KPNA7: variants seen among roughly 807,000 people sequenced by gnomAD.
KPNA7 encodes the protein karyopherin subunit alpha 7.
In KPNA7, 54 loss-of-function variants were observed where a neutral mutation model predicts 53.7. The ratio of observed to expected loss-of-function variants is 1.01; its 90% CI spans 0.81 to 1.26. KPNA7 has a LOEUF of 1.26. Ranked by LOEUF, KPNA7 falls within the 50% of genes most tolerant of loss-of-function variation. The pLI, the probability that KPNA7 is intolerant of heterozygous loss-of-function variation, is 0.00. For synonymous variants in KPNA7, 276 were observed against 259.3 expected (o/e 1.06, Z -0.62); for missense variants, 640 against 644.5 (o/e 0.99, Z 0.07).
At chr7:99,152,223 G>A in the KPNA7 span, among the ~76,000 whole-genome samples, 1,272 of 151,928 alleles carry the variant, frequency 8.4e-3, 21 homozygotes, top group African/African-American at 0.029. Context: ...TTAGCCAGGC[G>A]TGGTGGCAGG....
At chr7:99,169,732 G>A (rs879736571), downstream of KPNA7, among the ~76,000 whole-genome samples, 1 of 151,360 alleles carries the variant, frequency 6.6e-6, no homozygotes, top group Non-Finnish European at 1.5e-5. Context: ...AAACTAACCA[G>A]CCCATGAAAA....
At chr7:99,191,059 C>T (rs1282861665) in intron 6 of KPNA7, among the ~76,000 whole-genome samples, 1 of 152,078 alleles carries the variant, frequency 6.6e-6, no homozygotes, top group African/African-American at 2.4e-5. Context: ...AACAATCTAA[C>T]CTGAAACCTA....
chr7:99,155,043 TTA>T, the KPNA7 span, among the ~76,000 whole-genome samples: 7 of 152,064 alleles, frequency 4.6e-5, no homozygotes, highest in African/African-American at 1.4e-4. Flanking sequence ...TATGTGTATA[TTA>T]TATATATGTA....
chr7:99,174,113 C>T (rs748783008), intron 10 of KPNA7, among the ~76,000 whole-genome samples: 5 of 151,376 alleles, frequency 3.3e-5, no homozygotes, highest in African/African-American at 4.9e-5. Flanking sequence ...TCTGTATTTA[C>T]AGCCACTCCC....
chr7:99,194,320 G>T lies in KPNA7; in HGVS notation c.553+750C>A, dbSNP rs182060500. 2.0e-5 allele frequency among the ~76,000 whole-genome samples: 3 copies of T among 152,276 alleles called. No individual in the cohort carries two copies. In the East Asian group the frequency reaches 5.8e-4, roughly 29 times the overall value. The stretch of plus-strand genomic sequence containing the variant: ...TTCCACTTTCAGGGAAGGCTTGTTA[G>T]CCCAAACCAAGGAGTTTTTTTTTGT... On this transcript the variant is annotated intron_variant, in intron 5 of 10. Transcript: ENST00000327442.
chr7:99,204,140 G>A (rs1452725383), intron 2 of KPNA7, among the ~76,000 whole-genome samples: 1 of 152,144 alleles, frequency 6.6e-6, no homozygotes, highest in East Asian at 1.9e-4. Flanking sequence ...AGCACTTTGG[G>A]AGGTCAAGGT....
rs773921581 is a variant in KPNA7, at chr7:99,185,175, G to A, written c.901-13C>T. ...GGAGAGAAGGAGTCTGGAAGAGCAA[G>A]GCTAGAAGTCTAAGTATTTCAAGTC... On this transcript the variant is annotated splice_polypyrimidine_tract_variant and intron_variant, in intron 7 of 10. Transcript: ENST00000327442. 3.9e-6 allele frequency: 6 copies of A among 1,528,886 alleles called. No homozygotes were observed. The South Asian group carries it at 6.0e-5, about 15-fold the overall frequency. The allele number at this position is 1,528,886 out of a possible 1,614,324, so 94.7% of individuals were successfully genotyped here.
At chr7:99,178,108 C>T (rs754683513) in intron 9 of KPNA7, 42 bp from the exon 10 acceptor site, 6 of 1,537,980 alleles carry the variant, frequency 3.9e-6, no homozygotes, top group South Asian at 1.2e-5. Flanking sequence ...CCGGCAGGAG[C>T]CTTTGGGGGA....
chr7:99,187,120 C>T (rs1304651258), intron 7 of KPNA7, among the ~76,000 whole-genome samples: 1 of 152,020 alleles, frequency 6.6e-6, no homozygotes, highest in Non-Finnish European at 1.5e-5. Flanking sequence ...AACCCTGTCT[C>T]TACTAAAAAT....
chr7:99,176,306 AAAAAAAGAAAG>A (rs1192151220), intron 10 of KPNA7, among the ~76,000 whole-genome samples: 2 of 87,178 alleles, frequency 2.3e-5, no homozygotes, highest in African/African-American at 3.1e-5. Flanking sequence ...TCAAAAAAAA[AAAAAAAGAAAG>A]AAAGAAAGAA....
At chr7:99,207,370 C>T in intron 2 of KPNA7, 31 bp downstream of exon 2, 1 of 1,543,954 alleles carries the variant, frequency 6.5e-7, no homozygotes, top group Non-Finnish European at 8.8e-7. Flanking sequence ...CACTGGTCCC[C>T]AATAGAAGCA....
intron 9 of KPNA7, among the ~76,000 whole-genome samples, chr7:99,180,002 A>AC (rs1395136226): frequency 6.6e-6 from 1 of 152,176 alleles, no homozygotes; most frequent in South Asian, 2.1e-4. Flanking sequence ...AATGGGGATG[A>AC]CCTGTGTAAC....
At chr7:99,182,186 GA>G in intron 8 of KPNA7, 121 bp from the exon 9 acceptor site, 4 of 670,740 alleles carry the variant, frequency 6.0e-6, no homozygotes, top group Non-Finnish European at 9.6e-6. Flanking sequence ...AATTTACATA[GA>G]ATGCCTTGGC....
chr7:99,203,769 G>T (rs574944307), intron 2 of KPNA7, among the ~76,000 whole-genome samples: 4 of 152,178 alleles, frequency 2.6e-5, no homozygotes, highest in African/African-American at 9.6e-5. Context: ...GGAGGGCAGT[G>T]GCATGATCTC....
intron 9 of KPNA7, among the ~76,000 whole-genome samples, chr7:99,178,745 T>C (rs1799020876): frequency 8.4e-6 from 1 of 118,722 alleles, no homozygotes; most frequent in Non-Finnish European, 1.6e-5. Flanking sequence ...TATGAGCCAC[T>C]GCATTTGGCC....
chr7:99,217,927 G>A (rs906989337), intron 1 of KPNA7, among the ~76,000 whole-genome samples: 7 of 152,038 alleles, frequency 4.6e-5, no homozygotes, highest in Non-Finnish European at 4.4e-5. Context: ...CTCCATGCCC[G>A]GCCCCACCTC....
At chr7:99,163,384 T>TATATATAA in the KPNA7 span, among the ~76,000 whole-genome samples, 2 of 42,260 alleles carry the variant, frequency 4.7e-5, no homozygotes, top group Non-Finnish European at 8.5e-5. Flanking sequence ...TATATATATA[T>TATATATAA]TTTTTTTTTT....
chr7:99,188,986 G>A (rs967403627), intron 6 of KPNA7, among the ~76,000 whole-genome samples: 2 of 152,026 alleles, frequency 1.3e-5, no homozygotes, highest in African/African-American at 2.4e-5. Flanking sequence ...CCGACTGAAC[G>A]AGAGCTTTTG....
At position 99,198,959 on chromosome 7, in the gene KPNA7, A is replaced by G. The variant is rs566466953; in HGVS notation, c.202-2793T>C. 3.4e-4 allele frequency among the ~76,000 whole-genome samples: 52 copies of G among 151,596 alleles called. No individual in the cohort carries two copies. In the South Asian group the frequency reaches 6.5e-3, roughly 19 times the overall value. ...ATTAATTGTATCTTTACATGCTAGC[A>G]GTGATCAAAAATCAAAATAAAGCAA... On this transcript the variant is annotated intron_variant, in intron 3 of 10. Transcript: ENST00000327442.
Sources: gnomAD v4.1 joint callset for allele counts (sites outside exome capture counted in the v4.1 genomes callset) on GRCh38, gnomAD v4.1.1 for gene constraint, MANE v1.5 for transcripts, NCBI Gene and HGNC (gene_info 2026-07-23, HGNC 2026-07-21) for gene names.